CACHD1: variants seen among roughly 807,000 people sequenced by gnomAD.
The protein encoded by CACHD1 is cache domain containing 1.
In CACHD1, 71 loss-of-function variants were observed where a neutral mutation model predicts 138.7. That is an observed-to-expected ratio of 0.51 (90% CI 0.42 to 0.62). CACHD1 has a LOEUF of 0.62. Among genes scored for constraint, CACHD1 ranks in the 20% least tolerant of loss-of-function variants. The pLI, the probability that CACHD1 is intolerant of heterozygous loss-of-function variation, is 0.00. For missense variants in CACHD1, 1,389 were observed against 1,625.3 expected, an observed-to-expected ratio of 0.85 and a Z score of 2.50; for synonymous variants, 578 against 591.5, an observed-to-expected ratio of 0.98 and a Z score of 0.33.
At chr1:64,667,718 CAGAACTGGGCTGTTAA>C (rs1312209852) in intron 16 of CACHD1, among the ~76,000 whole-genome samples, 1 of 152,148 alleles carries the variant, frequency 6.6e-6, no homozygotes, top group Non-Finnish European at 1.5e-5. Context: ...TGAAATGGGC[CAGAACTGGGCTGTTAA>C]AGATGTTGTT....
rs1388259176 is a variant in CACHD1, at chr1:64,634,205, C to A, written c.951C>A (p.Phe317Leu). 4.3e-6 allele frequency: 7 copies of A among 1,613,772 alleles called. No homozygotes were observed. Among genetic ancestry groups the A allele is most frequent in the Non-Finnish European group, 4.2e-6 (5 of 1,179,946 alleles). The stretch of plus-strand genomic sequence containing the variant: ...GTCCTACCCAGCACGCAGTGGGATT[C>A]CAAAAGGCATTTCAGCTGATTCGAA... ...SDSPTQHAVG[F>L]QKAFQLIRST... is the part of the protein sequence containing the mutation. Residue 317 changes from phenylalanine (F) to leucine (L), a missense_variant, in exon 7 of 27, where the codon TTC becomes TTA. Transcript: ENST00000651257.
chr1:64,470,497 C>T lies in CACHD1; in HGVS notation c.-248C>T, dbSNP rs1295236357. On this transcript the variant is annotated 5_prime_UTR_variant, in exon 1 of 27. Coordinates refer to ENST00000651257, the MANE Select transcript of CACHD1 (RefSeq NM_020925.4). This position sits in a 1 kb window ranked among gnomAD's most constrained non-coding sequence, Gnocchi z 5.2. ...GCGGGGCCCGTGTGGGCGCCGGGCT[C>T]CGGGGACCGCTCGGGCGGCCGCCTC... Among the ~76,000 whole-genome samples, 1 of 151,372 alleles carries T rather than the reference C, an allele frequency of 6.6e-6. No homozygotes were observed. The highest frequency in any genetic ancestry group is 2.0e-4 in the East Asian group (1 of 5,106).
At chr1:64,487,580 G>A (rs1257938098) in intron 1 of CACHD1, among the ~76,000 whole-genome samples, 1 of 152,030 alleles carries the variant, frequency 6.6e-6, no homozygotes, top group Non-Finnish European at 1.5e-5. Context: ...AGACTACAGG[G>A]AATGATTTTG....
chr1:64,511,520 C>T (rs973069764), intron 1 of CACHD1, among the ~76,000 whole-genome samples: 5 of 152,090 alleles, frequency 3.3e-5, no homozygotes, highest in African/African-American at 1.2e-4. Flanking sequence ...CATAAAATTG[C>T]AAGATTAGAA....
chr1:64,472,090 G>A (rs893039044), intron 1 of CACHD1, among the ~76,000 whole-genome samples: 1 of 152,134 alleles, frequency 6.6e-6, no homozygotes. Context: ...CTTGGAATAG[G>A]TTTCTGATTT....
intron 1 of CACHD1, among the ~76,000 whole-genome samples, chr1:64,540,605 G>A (rs944986387): frequency 7.2e-5 from 11 of 152,192 alleles, no homozygotes; most frequent in Middle Eastern, 3.4e-3. Context: ...AAGTGTTTCC[G>A]TCTTGGTTTG....
At position 64,682,063 on chromosome 1, in the gene CACHD1, A is replaced by T; in HGVS notation, c.3543A>T (p.Arg1181Ser). The T allele has an allele frequency of 1.2e-6, 2 of 1,614,096 alleles. 1 individual carries two copies. Among genetic ancestry groups the T allele is most frequent in the East Asian group, 4.5e-5 (2 of 44,860 alleles). The stretch of plus-strand genomic sequence containing the variant: ...AACGACATGCACACAGTCCAGAAAG[A>T]AGGCGCCGCTACTGGGGTCGATCAG... ...VIERHAHSPE[R>S]RRRYWGRSGT... is the part of the protein sequence containing the mutation. The change falls in exon 26 of 27, where the codon AGA (arginine) becomes AGT (serine). Residue 1181 changes from arginine (R) to serine (S), a missense_variant. Arg to Ser is a moderately radical substitution (Grantham distance 110). Transcript: ENST00000651257.
intron 13 of CACHD1, among the ~76,000 whole-genome samples, chr1:64,661,021 C>T (rs1214925472): frequency 1.3e-5 from 2 of 152,164 alleles, no homozygotes; most frequent in Non-Finnish European, 2.9e-5. Flanking sequence ...TGGCACCCTT[C>T]CTCACCTTGA....
chr1:64,616,256 G>C (rs1322815379), intron 4 of CACHD1, among the ~76,000 whole-genome samples: 1 of 152,152 alleles, frequency 6.6e-6, no homozygotes, highest in African/African-American at 2.4e-5. Flanking sequence ...AATAAGTTCT[G>C]ACTCCTTCCT....
chr1:64,576,153 A>C (rs1324489283), intron 2 of CACHD1, among the ~76,000 whole-genome samples: 2 of 152,206 alleles, frequency 1.3e-5, no homozygotes, highest in Non-Finnish European at 2.9e-5. Context: ...GGAACCCCTT[A>C]GGGGATGAAG....
At chr1:64,593,978 T>G (rs567566603) in intron 3 of CACHD1, among the ~76,000 whole-genome samples, 1 of 152,190 alleles carries the variant, frequency 6.6e-6, no homozygotes, top group East Asian at 1.9e-4. Context: ...GAAATAGGCT[T>G]AGAAAGTTTA....
intron 3 of CACHD1, among the ~76,000 whole-genome samples, chr1:64,594,139 A>T (rs1483437804): frequency 6.6e-6 from 1 of 152,066 alleles, no homozygotes; most frequent in African/African-American, 2.4e-5. Context: ...CTGTAATCCC[A>T]GCTAGTTGGG....
In CACHD1 at chr1:64,514,460, T is replaced by C. The variant is rs138797007; in HGVS notation, c.199-36134T>C. Among the ~76,000 whole-genome samples the C allele has an allele frequency of 8.0e-3, 1,212 of 152,316 alleles. 18 individuals carry two copies. Among genetic ancestry groups the C allele is most frequent in the African/African-American group, 0.028 (1,153 of 41,560 alleles). On this transcript the variant is annotated intron_variant, in intron 1 of 26. Transcript: ENST00000651257. Reference sequence around the variant, plus strand: ...GTGAGTTTTCTTTTTTGTAGCTCGATATAAAAGTCTTCTAGCTTTAACATT... The same window carrying C: ...GTGAGTTTTCTTTTTTGTAGCTCGACATAAAAGTCTTCTAGCTTTAACATT...
chr1:64,544,649 C>A (rs1646704764), intron 1 of CACHD1, among the ~76,000 whole-genome samples: 1 of 151,492 alleles, frequency 6.6e-6, no homozygotes, highest in Admixed American at 6.6e-5. Flanking sequence ...TTTTCTTCCC[C>A]TTGGAGTAGA....
intron 1 of CACHD1, among the ~76,000 whole-genome samples, chr1:64,541,725 A>G: frequency 6.6e-6 from 1 of 152,192 alleles, no homozygotes; most frequent in East Asian, 1.9e-4. Flanking sequence ...CCAGCTACTC[A>G]GGAGGCTGAG....
intron 22 of CACHD1, 36 bp downstream of exon 22, chr1:64,677,047 G>A (rs932265254): frequency 1.4e-6 from 2 of 1,476,556 alleles, no homozygotes; most frequent in Non-Finnish European, 1.9e-6. Context: ...AGGTTTTCCA[G>A]CTAATATTTA....
intron 1 of CACHD1, among the ~76,000 whole-genome samples, chr1:64,541,298 A>G (rs1646675072): frequency 6.6e-6 from 1 of 152,274 alleles, no homozygotes; most frequent in South Asian, 2.1e-4. Flanking sequence ...AATTAACAAT[A>G]AGGTTAGGAC....
In CACHD1 at chr1:64,681,251, T is replaced by C. The variant is rs1290083093; in HGVS notation, c.3407-7T>C. The C allele has an allele frequency of 3.1e-6, 5 of 1,609,450 alleles. No homozygotes were observed. Among genetic ancestry groups the C allele is most frequent in the African/African-American group, 1.3e-5 (1 of 74,800 alleles). On this transcript the variant is annotated splice_region_variant and splice_polypyrimidine_tract_variant and intron_variant, in intron 24 of 26. Coordinates refer to ENST00000651257, the MANE Select transcript of CACHD1 (RefSeq NM_020925.4). ...AGTCATGTTTCTCTCTTTTTAATGA[T>C]GGGTAGAAATGTCAGTGCGTATGTC... is the stretch of plus-strand genomic sequence containing the variant.
At chr1:64,502,564 G>A (rs1181966829) in intron 1 of CACHD1, among the ~76,000 whole-genome samples, 1 of 152,132 alleles carries the variant, frequency 6.6e-6, no homozygotes, top group African/African-American at 2.4e-5. Flanking sequence ...CTATGTGTGT[G>A]TGTGTGCATG....
Sources: allele counts gnomAD v4.1 joint callset (sites outside exome capture counted in the v4.1 genomes callset), GRCh38; gene constraint gnomAD v4.1.1; non-coding constraint Gnocchi (gnomAD v3.1); transcripts MANE v1.5; gene names NCBI Gene and HGNC (gene_info 2026-07-23, HGNC 2026-07-21).